The following DHX9 variants were observed in gnomAD, a reference collection of about 807,000 sequenced individuals.
DHX9 encodes DExH-box helicase 9, also known as ATP-dependent RNA helicase A.
In DHX9, 27 loss-of-function variants were observed where a neutral mutation model predicts 148.7. The ratio of observed to expected loss-of-function variants is 0.18; its 90% CI spans 0.13 to 0.25. The LOEUF (loss-of-function observed/expected upper bound fraction) is 0.25, where lower values mean the gene tolerates loss of function less well. Ranked by LOEUF, DHX9 falls within the 10% of genes least tolerant of loss-of-function variation. The pLI is 1.00. For missense variants in DHX9, 796 were observed against 1,559.6 expected (o/e 0.51, Z 8.25); for synonymous variants, 529 against 516.6 (o/e 1.02, Z -0.33).
chr1:182,853,675 A>G (rs1271422852), intron 5 of DHX9, among the ~76,000 whole-genome samples: 2 of 152,178 alleles, frequency 1.3e-5, no homozygotes, highest in Admixed American at 1.3e-4. Context: ...CTTTATAGGA[A>G]ATGTAATTAT....
intron 14 of DHX9, among the ~76,000 whole-genome samples, chr1:182,869,708 C>A (rs747383568): frequency 2.2e-4 from 34 of 152,340 alleles, no homozygotes; most frequent in Non-Finnish European, 3.7e-4. Context: ...CCCCTGAGTT[C>A]AGGCGATTCT....
intron 14 of DHX9, among the ~76,000 whole-genome samples, chr1:182,870,629 A>C (rs1648518632): frequency 6.6e-6 from 1 of 152,228 alleles, no homozygotes; most frequent in Non-Finnish European, 1.5e-5. Flanking sequence ...CCTCATAACT[A>C]AGTACAAAAA....
chr1:182,853,902 G>T (rs1262445207), intron 5 of DHX9, 128 bp from the exon 6 acceptor site: 1 of 816,062 alleles, frequency 1.2e-6, no homozygotes, highest in Non-Finnish European at 1.9e-6. Flanking sequence ...TTTTGACTAG[G>T]ATTATAAACT....
chr1:182,868,220 A>C (rs1256709857), intron 14 of DHX9, among the ~76,000 whole-genome samples: 1 of 152,228 alleles, frequency 6.6e-6, no homozygotes, highest in Non-Finnish European at 1.5e-5. Flanking sequence ...ATCCATCAGT[A>C]TGGATAAACT....
At chr1:182,839,870 C>G (rs377083261) in intron 1 of DHX9, 1 of 152,308 alleles carries the variant, frequency 6.6e-6, no homozygotes, top group African/African-American at 2.4e-5. Context: ...GTCGTGCAGG[C>G]CTTGTGGGTA....
chr1:182,867,982 T>A (rs1046083716), intron 14 of DHX9, among the ~76,000 whole-genome samples: 1 of 152,188 alleles, frequency 6.6e-6, no homozygotes, highest in Non-Finnish European at 1.5e-5. Context: ...ATTTCTAGTT[T>A]TTATTTTTTT....
chr1:182,866,832 A>G (rs1265986949), intron 13 of DHX9, 129 bp from the exon 14 acceptor site: 2 of 796,456 alleles, frequency 2.5e-6, no homozygotes, highest in Non-Finnish European at 4.0e-6. Flanking sequence ...TCACTTTTTA[A>G]TAGTTTAAAT....
intron 12 of DHX9, among the ~76,000 whole-genome samples, chr1:182,860,636 A>G (rs6424871): frequency 0.16 from 23,716 of 152,238 alleles, 2,642 homozygotes; most frequent in African/African-American, 0.31. Flanking sequence ...ACTATTTCAC[A>G]TAGTATTTCT....
rs149574700 is a variant in DHX9 at position 182,868,578 on chromosome 1, G to A, written c.1557+1535G>A. ...TACCTAGGCTAGAGTGCAATGGCGC[G>A]ATCTCGGCTCACTGCAACTTCTGCC... On this transcript the variant is annotated intron_variant, in intron 14 of 27. Transcript: ENST00000367549. Among the ~76,000 whole-genome samples, 776 of 141,520 alleles carry A rather than the reference G, an allele frequency of 5.5e-3. 21 individuals are homozygous for A. In the East Asian group the frequency reaches 0.058, roughly 11 times the overall value. 92.8% of individuals were successfully genotyped at this position (141,520 alleles called of 152,430 possible). A position where few individuals can be genotyped will look rare whatever the true frequency, so the allele number is the denominator to read the frequency against.
intron 14 of DHX9, among the ~76,000 whole-genome samples, 172 bp downstream of exon 14, chr1:182,867,215 CT>C (rs1648335211): frequency 6.6e-6 from 1 of 151,600 alleles, no homozygotes; most frequent in Non-Finnish European, 1.5e-5. Context: ...TCTTTTTTTT[CT>C]TTATTGTTAA....
chr1:182,875,144 C>G, intron 16 of DHX9, 190 bp downstream of exon 16: 1 of 623,654 alleles, frequency 1.6e-6, no homozygotes, highest in Non-Finnish European at 3.0e-6. Flanking sequence ...AAGCTGTTTT[C>G]TATCACAAGT....
At chr1:182,869,373 G>A (rs139659130) in intron 14 of DHX9, among the ~76,000 whole-genome samples, 2 of 152,096 alleles carry the variant, frequency 1.3e-5, no homozygotes, top group East Asian at 1.9e-4. Flanking sequence ...AATCTAGTCC[G>A]GATAGGTCTT....
chr1:182,859,026 T>C lies in DHX9; in HGVS notation c.1063-14T>C, dbSNP rs1668307247. The C allele has an allele frequency of 6.2e-7, 1 of 1,613,296 alleles. No homozygotes were observed. Among genetic ancestry groups the C allele is most frequent in the Non-Finnish European group, 8.5e-7 (1 of 1,179,766 alleles). On this transcript the variant is annotated splice_polypyrimidine_tract_variant and intron_variant, in intron 10 of 27. Transcript: ENST00000367549. The stretch of plus-strand genomic sequence containing the variant: ...TGTGCTTTTGTTTGACTATGTTGGC[T>C]TTTTGTTTTACAGGCTACTCCAGAG...
intron 16 of DHX9, 52 bp downstream of exon 16, chr1:182,875,006 G>A: frequency 7.1e-7 from 1 of 1,409,226 alleles, no homozygotes; most frequent in Non-Finnish European, 1.0e-6. Flanking sequence ...TCAATGCAGA[G>A]AAAAAAATGA....
intron 26 of DHX9, among the ~76,000 whole-genome samples, 176 bp from the exon 27 acceptor site, chr1:182,884,437 A>C (rs1395387838): frequency 6.6e-6 from 1 of 150,964 alleles, no homozygotes; most frequent in Non-Finnish European, 1.5e-5. Context: ...GATTATAACT[A>C]CTCTTCATAT....
intron 7 of DHX9, among the ~76,000 whole-genome samples, 189 bp downstream of exon 7, chr1:182,856,767 G>A (rs1207555771): frequency 1.3e-5 from 2 of 152,234 alleles, no homozygotes; most frequent in African/African-American, 2.4e-5. Context: ...CAGTTTGCAT[G>A]TGAAAACAGA....
chr1:182,839,539 T>C (rs1396035186), intron 1 of DHX9, 83 bp downstream of exon 1: 6 of 152,704 alleles, frequency 3.9e-5, no homozygotes, highest in Non-Finnish European at 8.8e-5. Flanking sequence ...CAGCCGGCTT[T>C]GTTGCGAAGC....
At chr1:182,845,749 G>GT (rs1447678639) in intron 3 of DHX9, among the ~76,000 whole-genome samples, 10 of 152,180 alleles carry the variant, frequency 6.6e-5, no homozygotes, top group Non-Finnish European at 5.9e-5. Flanking sequence ...TTTGGGGTCA[G>GT]TTAATTTGCT....
In DHX9 at chr1:182,877,757, C is replaced by T. The variant is rs536795618; in HGVS notation, c.2199-264C>T. On this transcript the variant is annotated intron_variant, in intron 19 of 27. Coordinates refer to ENST00000367549, the MANE Select transcript of DHX9 (RefSeq NM_001357.5). ...ATTTATTTAATGTTTACCAAAAAAA[C>T]TATAAGGTAGATAATGGCATGCAAA... The T allele has an allele frequency of 1.6e-4, 60 of 375,590 alleles. 2 individuals carry two copies. The South Asian group carries it at 2.7e-3, about 17-fold the overall frequency. The allele number at this position is 375,590 out of a possible 1,614,324, so 23.3% of individuals were successfully genotyped here. A position where few individuals can be genotyped will look rare whatever the true frequency, so the allele number is the denominator to read the frequency against.
Sources: gnomAD v4.1 joint callset for allele counts (sites outside exome capture counted in the v4.1 genomes callset) on GRCh38, gnomAD v4.1.1 for gene constraint, MANE v1.5 for transcripts, NCBI Gene and HGNC (gene_info 2026-07-23, HGNC 2026-07-21) for gene names.